RAD51B: variants seen among roughly 807,000 people sequenced by gnomAD.
RAD51B encodes DNA repair protein RAD51 homolog 2.
In RAD51B, 38 loss-of-function variants were observed where a neutral mutation model predicts 42.2. That is an observed-to-expected ratio of 0.90 (90% CI 0.70 to 1.18). The LOEUF is 1.18. RAD51B is among the 50% of genes most tolerant of loss of function. RAD51B has a pLI of 0.00. For missense variants in RAD51B, 373 were observed against 400.7 expected (o/e 0.93, Z 0.59); for synonymous variants, 154 against 145.2 (o/e 1.06, Z -0.43).
At chr14:68,118,834 A>C (rs2077593822) in intron 7 of RAD51B, among the ~76,000 whole-genome samples, 1 of 152,084 alleles carries the variant, frequency 6.6e-6, no homozygotes, top group Non-Finnish European at 1.5e-5. Flanking sequence ...CATTCATTTC[A>C]GGAACTTTAT....
intron 10 of RAD51B, among the ~76,000 whole-genome samples, chr14:68,631,597 A>T (rs898629490): frequency 1.3e-5 from 2 of 152,170 alleles, no homozygotes; most frequent in African/African-American, 2.4e-5. Context: ...CATATAGAAA[A>T]TTTAGGGAGT....
chr14:68,344,990 T>C (rs1164850557), intron 8 of RAD51B, among the ~76,000 whole-genome samples: 1 of 151,724 alleles, frequency 6.6e-6, no homozygotes, highest in East Asian at 1.9e-4. Flanking sequence ...ACTGCCCTTC[T>C]GGGTTTCAGA....
intron 10 of RAD51B, among the ~76,000 whole-genome samples, chr14:68,625,631 C>T (rs1003699357): frequency 4.6e-5 from 7 of 152,172 alleles, no homozygotes; most frequent in African/African-American, 1.7e-4. Context: ...AGGGTTCCTG[C>T]ACAGGCACCA....
At chr14:68,475,460 G>T (rs942938623) in intron 10 of RAD51B, among the ~76,000 whole-genome samples, 1 of 152,090 alleles carries the variant, frequency 6.6e-6, no homozygotes, top group Non-Finnish European at 1.5e-5. Context: ...GAAGAGAAAG[G>T]GTATCACTTC....
chr14:67,987,268 A>G (rs2140283612), intron 7 of RAD51B, among the ~76,000 whole-genome samples: 1 of 152,290 alleles, frequency 6.6e-6, no homozygotes, highest in East Asian at 1.9e-4. Flanking sequence ...GCTATCAAGT[A>G]GTAGGTCTTA....
chr14:68,096,048 G>A (rs946863041), intron 7 of RAD51B, among the ~76,000 whole-genome samples: 71 of 149,382 alleles, frequency 4.8e-4, no homozygotes, highest in Admixed American at 7.4e-4. Context: ...AGAGTAATAA[G>A]TAGCAGAACC....
In RAD51B at chr14:67,940,023, CATATATATATATATATAT is replaced by C. The variant is rs764722617; in HGVS notation, c.756+52834_756+52851del. Among the ~76,000 whole-genome samples the C allele has an allele frequency of 1.2e-3, 42 of 34,336 alleles. No individual in the cohort carries two copies. In the South Asian group the frequency reaches 0.028, roughly 23 times the overall value. The allele number at this position is 34,336 out of a possible 152,430, so 22.5% of individuals were successfully genotyped here. A position where few individuals can be genotyped will look rare whatever the true frequency, so the allele number is the denominator to read the frequency against. On this transcript the variant is annotated intron_variant, in intron 7 of 10. Transcript: ENST00000471583. Reference sequence around the variant, plus strand: ...ATAAAACTGTAACATTTGATAGATGCATATATATATATATATATATATATATATATATTTTTTTTTTTT... The same window carrying C: ...ATAAAACTGTAACATTTGATAGATGCATATATATATATATTTTTTTTTTTT...
At chr14:68,333,693 C>A (rs1566814877) in intron 8 of RAD51B, among the ~76,000 whole-genome samples, 2 of 152,152 alleles carry the variant, frequency 1.3e-5, no homozygotes, top group Admixed American at 6.5e-5. Flanking sequence ...TCATATACAA[C>A]ATGATGTTTT....
intron 7 of RAD51B, among the ~76,000 whole-genome samples, chr14:67,921,063 C>T (rs1298433518): frequency 6.6e-6 from 1 of 152,168 alleles, no homozygotes; most frequent in Non-Finnish European, 1.5e-5. Flanking sequence ...GTCAGTTTCT[C>T]CTGGAACAGT....
chr14:68,583,592 G>A (rs1006855535), intron 10 of RAD51B, among the ~76,000 whole-genome samples: 1 of 152,194 alleles, frequency 6.6e-6, no homozygotes, highest in Non-Finnish European at 1.5e-5. Context: ...GGTGGCCTTG[G>A]GGGAGCCCGC....
At chr14:68,523,909 A>G (rs1886754889) in intron 10 of RAD51B, among the ~76,000 whole-genome samples, 1 of 152,276 alleles carries the variant, frequency 6.6e-6, no homozygotes, top group African/African-American at 2.4e-5. Flanking sequence ...TTGCTTAGGA[A>G]TGTGTCTGTC....
intron 10 of RAD51B, among the ~76,000 whole-genome samples, chr14:68,560,879 C>G (rs886609620): frequency 6.6e-6 from 1 of 152,150 alleles, no homozygotes; most frequent in African/African-American, 2.4e-5. Flanking sequence ...TCTGGAAGCC[C>G]TAGGGCCTGA....
At chr14:68,454,111 T>C (rs2085624035) in intron 9 of RAD51B, among the ~76,000 whole-genome samples, 1 of 152,178 alleles carries the variant, frequency 6.6e-6, no homozygotes. Context: ...AAAAGTGAAA[T>C]CATTTGCTGT....
intron 7 of RAD51B, among the ~76,000 whole-genome samples, chr14:68,139,704 A>G (rs1040100447): frequency 3.9e-5 from 6 of 152,220 alleles, no homozygotes; most frequent in Non-Finnish European, 8.8e-5. Context: ...GAGGGTTGCC[A>G]TGACTCCTGA....
intron 8 of RAD51B, among the ~76,000 whole-genome samples, chr14:68,361,675 T>C (rs1052105545): frequency 6.6e-6 from 1 of 152,094 alleles, no homozygotes; most frequent in African/African-American, 2.4e-5. Context: ...TGAAGTCTTT[T>C]GTTTGTCTGT....
intron 7 of RAD51B, chr14:68,069,538 C>A (rs1343057453): frequency 6.6e-6 from 1 of 152,068 alleles, no homozygotes; most frequent in Non-Finnish European, 1.5e-5. Flanking sequence ...ACATGCAGAA[C>A]CAAATACTGT....
At chr14:68,328,550 T>C (rs530856904) in intron 8 of RAD51B, among the ~76,000 whole-genome samples, 27 of 152,190 alleles carry the variant, frequency 1.8e-4, no homozygotes, top group Non-Finnish European at 3.4e-4. Context: ...AACCCTGTGT[T>C]CTCCCCTGTC....
At chr14:68,388,627 A>G (rs1204154309) in intron 8 of RAD51B, among the ~76,000 whole-genome samples, 1 of 152,188 alleles carries the variant, frequency 6.6e-6, no homozygotes, top group Non-Finnish European at 1.5e-5. Flanking sequence ...GTGAATGTAT[A>G]TATTCACTCA....
intron 10 of RAD51B, among the ~76,000 whole-genome samples, chr14:68,501,052 T>G (rs1180170360): frequency 6.6e-6 from 1 of 152,200 alleles, no homozygotes; most frequent in East Asian, 1.9e-4. Flanking sequence ...CTGGTTTCCC[T>G]CTTGCCATGG....
Sources: allele counts gnomAD v4.1 joint callset (sites outside exome capture counted in the v4.1 genomes callset), GRCh38; gene constraint gnomAD v4.1.1; transcripts MANE v1.5; gene names NCBI Gene and HGNC (gene_info 2026-07-23, HGNC 2026-07-21).